Variants in CHMP4B observed in about 807,000 individuals in gnomAD.
CHMP4B encodes the protein charged multivesicular body protein 4B.
CHMP4B carries 1 observed loss-of-function variant against 25.1 expected under a neutral mutation model. The observed-to-expected ratio is 0.04, with a 90% CI of 0.01 to 0.19. The LOEUF (loss-of-function observed/expected upper bound fraction) is 0.19. Ranked by LOEUF, CHMP4B falls within the 10% of genes least tolerant of loss-of-function variation. The pLI, the probability that CHMP4B is intolerant of heterozygous loss-of-function variation, is 1.00. For missense variants in CHMP4B, 151 were observed against 289.7 expected, an observed-to-expected ratio of 0.52 and a Z score of 3.48; for synonymous variants, 101 against 115.6, an observed-to-expected ratio of 0.87 and a Z score of 0.81.
At chr20:33,816,028 C>T (rs1568604643) in intron 1 of CHMP4B, among the ~76,000 whole-genome samples, 1 of 152,202 alleles carries the variant, frequency 6.6e-6, no homozygotes. Context: ...ATGAAACAAA[C>T]TTCAGAAGCT....
intron 1 of CHMP4B, among the ~76,000 whole-genome samples, chr20:33,839,287 G>A (rs545481111): frequency 1.2e-3 from 181 of 152,244 alleles, no homozygotes; most frequent in African/African-American, 4.1e-3. Flanking sequence ...GTCAAGTTGG[G>A]CGTTATGGAG....
At chr20:33,840,217 G>A (rs1043771704) in intron 1 of CHMP4B, among the ~76,000 whole-genome samples, 1 of 151,012 alleles carries the variant, frequency 6.6e-6, no homozygotes, top group African/African-American at 2.4e-5. Context: ...CTGCACTCTA[G>A]CCTGGGTGAC....
In CHMP4B at chr20:33,853,722, G is replaced by A; in HGVS notation, c.*162G>A. The stretch of plus-strand genomic sequence containing the variant: ...CGCGTTGCTGCTCACTCTCTGCATA[G>A]CATGGTCTGCACCTGGGAGATGGGC... On this transcript the variant is annotated 3_prime_UTR_variant, in exon 5 of 5. Transcript: ENST00000217402. The A allele has an allele frequency of 2.6e-6, 1 of 381,956 alleles. No homozygotes were observed. Among genetic ancestry groups the A allele is most frequent in the South Asian group, 1.8e-5 (1 of 54,376 alleles). The allele number at this position is 381,956 out of a possible 1,614,324, so 23.7% of individuals were successfully genotyped here. A position where few individuals can be genotyped will look rare whatever the true frequency, so the allele number is the denominator to read the frequency against.
intron 1 of CHMP4B, among the ~76,000 whole-genome samples, chr20:33,830,000 A>G (rs149794599): frequency 6.6e-6 from 1 of 152,208 alleles, no homozygotes; most frequent in Non-Finnish European, 1.5e-5. Context: ...CCATTCCCCC[A>G]CTCCCATTTT....
intron 1 of CHMP4B, among the ~76,000 whole-genome samples, chr20:33,825,118 G>A (rs548468386): frequency 1.3e-5 from 2 of 152,282 alleles, no homozygotes; most frequent in African/African-American, 4.8e-5. Context: ...TCCCACTCAG[G>A]ACTCTGATCA....
At chr20:33,813,952 T>C (rs1011643517) in intron 1 of CHMP4B, among the ~76,000 whole-genome samples, 2 of 152,176 alleles carry the variant, frequency 1.3e-5, no homozygotes, top group Non-Finnish European at 2.9e-5. Context: ...AGGCTGGTCT[T>C]GAACACCTGA....
chr20:33,834,135 T>C (rs901783235), intron 1 of CHMP4B, among the ~76,000 whole-genome samples: 5 of 152,212 alleles, frequency 3.3e-5, no homozygotes, highest in African/African-American at 1.2e-4. Flanking sequence ...CCAGTAATCT[T>C]TTTTTCCTGG....
Position 33,845,600 on chromosome 20 carries a change from G to A in CHMP4B, c.191-2867G>A, listed in dbSNP as rs182819911. ...GGCCTCCCAAAGTGGTGGGATTACA[G>A]GCGTGAGCCAGCGTGCCTGGTATGG... On this transcript the variant is annotated intron_variant, in intron 1 of 4. Coordinates refer to ENST00000217402, the MANE Select transcript of CHMP4B (RefSeq NM_176812.5). 1.6e-3 allele frequency among the ~76,000 whole-genome samples: 248 copies of A among 152,284 alleles called. 1 individual carries two copies. The highest frequency in any genetic ancestry group is 5.8e-3 in the African/African-American group (243 of 41,556).
chr20:33,847,076 A>T (rs114520871), intron 1 of CHMP4B, among the ~76,000 whole-genome samples: 2 of 151,966 alleles, frequency 1.3e-5, no homozygotes, highest in African/African-American at 2.4e-5. Context: ...AAGCTTATAT[A>T]GCATCCTGAG....
chr20:33,852,112 G>A lies in CHMP4B; in HGVS notation c.519G>A (p.Gln173=). 1 of 1,614,220 alleles carries A rather than the reference G, an allele frequency of 6.2e-7. No individual in the cohort carries two copies. The highest frequency in any genetic ancestry group is 8.5e-7 in the Non-Finnish European group (1 of 1,180,032). Residue 173 remains glutamine, a synonymous_variant, in exon 4 of 5, where the codon CAG becomes CAA. Coordinates refer to ENST00000217402, the MANE Select transcript of CHMP4B (RefSeq NM_176812.5). ...ELMAELEELE[Q]EELDKNLLEI... is the part of the protein sequence containing the mutation. ...TGGCGGAATTAGAAGAACTAGAACAGGAGGAACTAGACAAGAATTTGCTGG... is the reference window on the plus strand; with the variant it reads ...TGGCGGAATTAGAAGAACTAGAACAAGAGGAACTAGACAAGAATTTGCTGG...
At chr20:33,812,632 T>C (rs1448536162) in intron 1 of CHMP4B, among the ~76,000 whole-genome samples, 2 of 152,230 alleles carry the variant, frequency 1.3e-5, no homozygotes, top group Non-Finnish European at 2.9e-5. Context: ...GTTATGGCCA[T>C]GTGAGAGTGA....
chr20:33,835,575 T>G (rs1298554644), intron 1 of CHMP4B, among the ~76,000 whole-genome samples: 1 of 152,262 alleles, frequency 6.6e-6, no homozygotes, highest in African/African-American at 2.4e-5. Flanking sequence ...AGTTTACAAA[T>G]CTTTTCATCA....
chr20:33,815,387 A>G (rs1346005327), intron 1 of CHMP4B, among the ~76,000 whole-genome samples: 1 of 152,202 alleles, frequency 6.6e-6, no homozygotes, highest in African/African-American at 2.4e-5. Flanking sequence ...ACTTTTCTGA[A>G]GGAGAATCAA....
intron 1 of CHMP4B, among the ~76,000 whole-genome samples, chr20:33,834,928 G>A (rs115322526): frequency 0.011 from 1,609 of 152,088 alleles, 27 homozygotes; most frequent in African/African-American, 0.036. Context: ...TCAGCCTCCC[G>A]TGTAACTAGG....
chr20:33,833,677 C>T (rs1979315546), intron 1 of CHMP4B, among the ~76,000 whole-genome samples: 1 of 152,156 alleles, frequency 6.6e-6, no homozygotes, highest in Admixed American at 6.5e-5. Flanking sequence ...TTTATCTTTC[C>T]TTGTTCCCTC....
chr20:33,811,506 G>A lies in CHMP4B; in HGVS notation c.38G>A (p.Gly13Asp), dbSNP rs867736683. ...VFGKLFGAGGGKAGKGGPTPQ... is the reference protein window; with the variant it reads ...VFGKLFGAGGDKAGKGGPTPQ... ...GGGAAGCTGTTCGGGGCTGGAGGGG[G>A]TAAGGCCGGCAAGGGCGGCCCGACC... Residue 13 changes from glycine to aspartate, a missense_variant, in exon 1 of 5, where the codon GGT becomes GAT. By Grantham distance (94) the Gly-to-Asp change is moderately conservative. This residue lies in a region of CHMP4B where 28 missense variants were observed against 30.5 expected (regional missense o/e 0.92). Transcript: ENST00000217402. 1.9e-6 allele frequency: 3 copies of A among 1,598,302 alleles called. No individual in the cohort carries two copies. The highest frequency in any genetic ancestry group is 2.2e-5 in the South Asian group (2 of 89,138).
At chr20:33,844,650 A>T (rs1979631011) in intron 1 of CHMP4B, among the ~76,000 whole-genome samples, 1 of 152,240 alleles carries the variant, frequency 6.6e-6, no homozygotes, top group Non-Finnish European at 1.5e-5. Flanking sequence ...TTTGGTTTTA[A>T]ATATAAGAAT....
In CHMP4B at chr20:33,845,051, G is replaced by A. The variant is rs533225658; in HGVS notation, c.191-3416G>A. ...TGGGACTACAGGTGTGAGCCACCGC[G>A]CCCGGCCGAGTGTTTGCTCTTATGA... is the stretch of plus-strand genomic sequence containing the variant. On this transcript the variant is annotated intron_variant, in intron 1 of 4. Transcript: ENST00000217402. 2.4e-4 allele frequency among the ~76,000 whole-genome samples: 36 copies of A among 152,190 alleles called. No homozygotes were observed. In the East Asian group the frequency reaches 6.0e-3, roughly 25 times the overall value.
At position 33,820,881 on chromosome 20, in the gene CHMP4B, G is replaced by A. The variant is rs148795178; in HGVS notation, c.190+9223G>A. On this transcript the variant is annotated intron_variant, in intron 1 of 4. Transcript: ENST00000217402. The stretch of plus-strand genomic sequence containing the variant: ...TTATTTGAATCAGAAGCCTCTTAGC[G>A]GGGACATGAGAATGGATCAGTGTTT... 2.3e-3 allele frequency among the ~76,000 whole-genome samples: 355 copies of A among 152,254 alleles called. 6 individuals carry two copies. Among genetic ancestry groups the A allele is most frequent in the African/African-American group, 8.1e-3 (336 of 41,550 alleles).
Sources: gnomAD v4.1 joint callset for allele counts (sites outside exome capture counted in the v4.1 genomes callset) on GRCh38, gnomAD v4.1.1 for gene constraint, gnomAD v4.1.1 regional missense constraint, MANE v1.5 for transcripts, NCBI Gene and HGNC (gene_info 2026-07-23, HGNC 2026-07-21) for gene names.